QDPR: variants seen among roughly 807,000 people sequenced by gnomAD.
The protein encoded by QDPR is quinoid dihydropteridine reductase.
A neutral mutation model predicts 31.7 loss-of-function variants in QDPR; 23 were observed. The observed-to-expected ratio is 0.73, with a 90% confidence interval of 0.52 to 1.03. The LOEUF is 1.03. QDPR is among the 50% of genes least tolerant of loss of function. QDPR has a pLI of 0.00. For synonymous variants in QDPR, 124 were observed against 124.7 expected (o/e 0.99, Z 0.03); for missense variants, 324 against 323.8 (o/e 1.00, Z 0.00).
In QDPR at chr4:17,490,330, C is replaced by G; in HGVS notation, c.629+332G>C. ...GTGTTGAGTGCTTGCCGCACACTAT[C>G]ACGTTTAATCCTAACAAGCATGATG... On this transcript the variant is annotated intron_variant, in intron 6 of 6. Transcript: ENST00000281243. 4 of 356,246 alleles carry G rather than the reference C, an allele frequency of 1.1e-5. No homozygotes were observed. The East Asian group carries it at 2.8e-4, about 25-fold the overall frequency. 22.1% of individuals were successfully genotyped at this position (356,246 alleles called of 1,614,324 possible).
intron 3 of QDPR, among the ~76,000 whole-genome samples, chr4:17,503,434 G>A (rs1441131348): frequency 6.6e-6 from 1 of 152,124 alleles, no homozygotes; most frequent in Admixed American, 6.5e-5. Flanking sequence ...AATGTAGGAC[G>A]GGCTTATTCT....
chr4:17,490,574 A>C (rs1457993851), intron 6 of QDPR, 88 bp downstream of exon 6: 2 of 1,112,986 alleles, frequency 1.8e-6, no homozygotes, highest in Non-Finnish European at 2.7e-6. Flanking sequence ...TGACGATCTC[A>C]GGGAACACAG....
intron 2 of QDPR, among the ~76,000 whole-genome samples, chr4:17,508,741 T>C (rs553107825): frequency 3.4e-5 from 5 of 148,690 alleles, no homozygotes; most frequent in Middle Eastern, 3.5e-3. Context: ...TAGGCCAAAA[T>C]GTTAACAGTG....
intron 2 of QDPR, among the ~76,000 whole-genome samples, chr4:17,506,555 T>C (rs1038519405): frequency 6.6e-6 from 1 of 152,238 alleles, no homozygotes; most frequent in Non-Finnish European, 1.5e-5. Context: ...TGCAACCTTT[T>C]ATCTGTTTGA....
intron 6 of QDPR, among the ~76,000 whole-genome samples, chr4:17,487,631 C>A (rs1718013868): frequency 6.6e-6 from 1 of 151,844 alleles, no homozygotes; most frequent in Admixed American, 6.6e-5. Flanking sequence ...CACAATGAGA[C>A]TCCGTCTCAC....
rs1718685013 is a variant in QDPR, at chr4:17,504,528, C to A, written c.199-53G>T. ...AAACTGTAAGGTAAGCCAACACAGG[C>A]TAGCATCTTTACGGATACTCAGTTT... On this transcript the variant is annotated intron_variant, in intron 2 of 6. Coordinates refer to ENST00000281243, the MANE Select transcript of QDPR (RefSeq NM_000320.3). 4 of 1,413,344 alleles carry A rather than the reference C, an allele frequency of 2.8e-6. No individual in the cohort carries two copies. The Admixed American group carries it at 5.0e-5, about 18-fold the overall frequency. The allele number at this position is 1,413,344 out of a possible 1,614,324, so 87.6% of individuals were successfully genotyped here.
Position 17,486,441 on chromosome 4 carries a change from T to C in QDPR, c.*690A>G, listed in dbSNP as rs1031326. ...TTCAGGATTTAAATCCACCCCCTTC[T>C]GAGAACATCAGATTAAAAGACCTCC... On this transcript the variant is annotated 3_prime_UTR_variant, in exon 7 of 7. Coordinates refer to ENST00000281243, the MANE Select transcript of QDPR (RefSeq NM_000320.3). The C allele has an allele frequency of 0.62, 93,424 of 151,888 alleles. 28,929 individuals carry two copies. Among genetic ancestry groups the C allele is most frequent in the East Asian group, 0.71 (3,610 of 5,118 alleles). The allele number at this position is 151,888 out of a possible 1,614,324, so 9.4% of individuals were successfully genotyped here. A position where few individuals can be genotyped will look rare whatever the true frequency, so the allele number is the denominator to read the frequency against.
chr4:17,504,332 G>A (rs930518081), intron 3 of QDPR, 47 bp downstream of exon 3: 1 of 1,546,794 alleles, frequency 6.5e-7, no homozygotes. Context: ...TTGTCAGCTG[G>A]AAAAAGAGCA....
Position 17,512,045 on chromosome 4 carries a change from C to T in QDPR, c.10G>A (p.Ala4Thr), listed in dbSNP as rs1255644701. 6.2e-7 allele frequency: 1 copy of T among 1,601,540 alleles called. No homozygotes were observed. The highest frequency in any genetic ancestry group is 8.5e-7 in the Non-Finnish European group (1 of 1,175,498). The change falls in exon 1 of 7, where the codon GCG becomes ACG. Residue 4 changes from alanine (A) to threonine (T), a missense_variant. By Grantham distance (58) the Ala-to-Thr change is moderately conservative (BLOSUM62 0). Transcript: ENST00000281243. ...CGGCGCGCCTCGCCTGCAGCCGCCGCCGCCGCCATCCTGCTCCTGCCAGCC... is the reference window on the plus strand; with the variant it reads ...CGGCGCGCCTCGCCTGCAGCCGCCGTCGCCGCCATCCTGCTCCTGCCAGCC... MAA[A>T]AAAGEARRVL...
chr4:17,499,708 C>A (rs1718491924), intron 4 of QDPR, among the ~76,000 whole-genome samples: 1 of 152,148 alleles, frequency 6.6e-6, no homozygotes, highest in South Asian at 2.1e-4. Context: ...TCACCTGAAG[C>A]CAGGAATTTG....
intron 1 of QDPR, among the ~76,000 whole-genome samples, chr4:17,510,713 C>T (rs1212490123): frequency 6.6e-6 from 1 of 152,168 alleles, no homozygotes; most frequent in Non-Finnish European, 1.5e-5. Context: ...ATGACGCTAA[C>T]AGGATCTACT....
intron 4 of QDPR, among the ~76,000 whole-genome samples, chr4:17,497,852 T>C (rs925916908): frequency 4.6e-5 from 7 of 152,324 alleles, no homozygotes; most frequent in African/African-American, 1.7e-4. Context: ...GGGTGTACCA[T>C]TTGAGCAAAT....
chr4:17,506,548 A>C (rs894738270), intron 2 of QDPR, among the ~76,000 whole-genome samples: 5 of 152,204 alleles, frequency 3.3e-5, no homozygotes, highest in African/African-American at 1.2e-4. Flanking sequence ...GTGGCTATGC[A>C]ACCTTTTATC....
intron 1 of QDPR, among the ~76,000 whole-genome samples, chr4:17,510,274 A>G (rs1718959097): frequency 6.6e-6 from 1 of 152,212 alleles, no homozygotes; most frequent in Non-Finnish European, 1.5e-5. Context: ...CAGCTCTGCC[A>G]GAGTGGCTTT....
rs1718675690 is a variant in QDPR, at chr4:17,504,300, T to TC, written c.295+78dup. On this transcript the variant is annotated intron_variant, in intron 3 of 6. Coordinates refer to ENST00000281243, the MANE Select transcript of QDPR (RefSeq NM_000320.3). ...TATACACAAAAAAACAGCTGGCCTG[T>TC]CACCTAGTGCAAACCCAATCCTTGT... 3.2e-6 allele frequency: 4 copies of TC among 1,250,866 alleles called. 1 individual carries two copies. The Admixed American group carries it at 6.9e-5, about 22-fold the overall frequency. The allele number at this position is 1,250,866 out of a possible 1,614,324, so 77.5% of individuals were successfully genotyped here.
chr4:17,506,794 G>C (rs964131493), intron 2 of QDPR, among the ~76,000 whole-genome samples: 1 of 152,152 alleles, frequency 6.6e-6, no homozygotes, highest in Non-Finnish European at 1.5e-5. Flanking sequence ...ACCACAGTGA[G>C]AAAAATAAGA....
chr4:17,502,759 T>A (rs1718616806), intron 3 of QDPR, among the ~76,000 whole-genome samples: 1 of 152,200 alleles, frequency 6.6e-6, no homozygotes, highest in South Asian at 2.1e-4. Context: ...AACCCCTGAA[T>A]AAGTGCTTCA....
At chr4:17,487,793 T>A (rs1160417827) in intron 6 of QDPR, among the ~76,000 whole-genome samples, 2 of 152,010 alleles carry the variant, frequency 1.3e-5, no homozygotes, top group African/African-American at 2.4e-5. Context: ...CAAGATTCCA[T>A]CTCCAAAAAA....
chr4:17,493,296 C>T (rs1718231808), intron 4 of QDPR, among the ~76,000 whole-genome samples: 1 of 152,080 alleles, frequency 6.6e-6, no homozygotes, highest in Admixed American at 6.6e-5. Flanking sequence ...TTAGCCATGC[C>T]TGCTGGTACA....
Sources: allele counts gnomAD v4.1 joint callset (sites outside exome capture counted in the v4.1 genomes callset), GRCh38; gene constraint gnomAD v4.1.1; transcripts MANE v1.5; gene names NCBI Gene and HGNC (gene_info 2026-07-23, HGNC 2026-07-21).